Variants in NINL observed in about 807,000 individuals in gnomAD.
NINL encodes ninein-like protein.
A neutral mutation model predicts 160.3 loss-of-function variants in NINL; 153 were observed. The ratio of observed to expected loss-of-function variants is 0.95; its 90% CI spans 0.84 to 1.09. The LOEUF (loss-of-function observed/expected upper bound fraction) is 1.09. Among genes scored for constraint, NINL ranks in the 50% least tolerant of loss-of-function variants. The pLI is 0.00. For synonymous variants in NINL, 800 were observed against 734.8 expected, an observed-to-expected ratio of 1.09 and a Z score of -1.43; for missense variants, 1,829 against 1,764.0, an observed-to-expected ratio of 1.04 and a Z score of -0.66.
chr20:25,487,701 T>G (rs1398435602), intron 13 of NINL, among the ~76,000 whole-genome samples: 1 of 152,272 alleles, frequency 6.6e-6, no homozygotes, highest in East Asian at 1.9e-4. Context: ...GTGAACGACC[T>G]TAGAGATAAA....
intron 1 of NINL, among the ~76,000 whole-genome samples, chr20:25,531,362 C>T (rs890552020): frequency 2.0e-5 from 3 of 152,244 alleles, no homozygotes; most frequent in Non-Finnish European, 1.5e-5. Context: ...CCCTCCTCAG[C>T]TTACGAAAAT....
intron 1 of NINL, among the ~76,000 whole-genome samples, chr20:25,538,796 G>A (rs1345440241): frequency 6.6e-6 from 1 of 151,976 alleles, no homozygotes; most frequent in Non-Finnish European, 1.5e-5. Context: ...ACAGAACTGG[G>A]GAGCACAGGG....
intron 7 of NINL, among the ~76,000 whole-genome samples, chr20:25,502,327 C>T (rs2063885319): frequency 6.6e-6 from 1 of 152,164 alleles, no homozygotes; most frequent in Admixed American, 6.5e-5. Flanking sequence ...GGTGTACCTA[C>T]CCCCAGTGCA....
intron 1 of NINL, among the ~76,000 whole-genome samples, chr20:25,553,358 A>G (rs1157203503): frequency 6.6e-6 from 1 of 152,158 alleles, no homozygotes; most frequent in Middle Eastern, 3.2e-3. Flanking sequence ...TGGCATTTTA[A>G]ACAGAGCCAC....
intron 1 of NINL, among the ~76,000 whole-genome samples, chr20:25,564,805 TA>T (rs11411276): frequency 0.022 from 3,177 of 142,732 alleles, 102 homozygotes; most frequent in African/African-American, 0.066. Flanking sequence ...TCCCCACAAT[TA>T]AAAAAAAAAA....
At chr20:25,579,140 G>C (rs1304171235) in intron 1 of NINL, among the ~76,000 whole-genome samples, 1 of 152,124 alleles carries the variant, frequency 6.6e-6, no homozygotes, top group African/African-American at 2.4e-5. Flanking sequence ...TCCCTCGGAG[G>C]CAGTAAGGGA....
chr20:25,466,816 A>C lies in NINL; in HGVS notation c.3423+573T>G, dbSNP rs148157071. ...ATGTGTCTCAAAAAAAACCCCCAAA[A>C]TTTGGGGAGTGTCCAGGCAGTGTTT... is the stretch of plus-strand genomic sequence containing the variant. On this transcript the variant is annotated intron_variant, in intron 19 of 23. Transcript: ENST00000278886. 2.9e-3 allele frequency among the ~76,000 whole-genome samples: 442 copies of C among 150,712 alleles called. 2 individuals carry two copies. The highest frequency in any genetic ancestry group is 0.01 in the African/African-American group (427 of 40,900).
chr20:25,453,508 T>C lies in NINL; in HGVS notation c.4092A>G (p.Lys1364=), dbSNP rs1461056264. The C allele has an allele frequency of 6.2e-7, 1 of 1,614,054 alleles. No homozygotes were observed. ...AEKQSRLLEE[K]VRALNKLVSR... Reference sequence around the variant, plus strand: ...TGACGAGTTTGTTGAGAGCGCGAACTTTTTCTTCCAAGAGGCGGCTTTGTT... The same window carrying C: ...TGACGAGTTTGTTGAGAGCGCGAACCTTTTCTTCCAAGAGGCGGCTTTGTT... The change falls in exon 24 of 24, where the codon AAA becomes AAG. Residue 1364 remains lysine (K), a synonymous_variant. Transcript: ENST00000278886.
chr20:25,461,685 G>T, intron 20 of NINL, 50 bp from the exon 21 acceptor site: 1 of 1,241,844 alleles, frequency 8.1e-7, no homozygotes, highest in South Asian at 1.3e-5. Flanking sequence ...TGAAGAGTCT[G>T]GTATGTAATT....
At chr20:25,522,245 T>C (rs2064276990) in intron 2 of NINL, among the ~76,000 whole-genome samples, 1 of 152,220 alleles carries the variant, frequency 6.6e-6, no homozygotes, top group African/African-American at 2.4e-5. Context: ...CTCACTGATT[T>C]ATTTGCTCTT....
At chr20:25,524,821 T>C (rs1315581707) in intron 2 of NINL, among the ~76,000 whole-genome samples, 2 of 151,990 alleles carry the variant, frequency 1.3e-5, no homozygotes, top group African/African-American at 4.8e-5. Context: ...GTTACTCTTT[T>C]GGTTTTGAAT....
At position 25,453,275 on chromosome 20, in the gene NINL, C is replaced by T. The variant is rs187172673; in HGVS notation, c.*176G>A. 8.1e-6 allele frequency: 4 copies of T among 495,136 alleles called. No homozygotes were observed. The Admixed American group carries it at 1.6e-4, about 20-fold the overall frequency. 30.7% of individuals were successfully genotyped at this position (495,136 alleles called of 1,614,324 possible). A position where few individuals can be genotyped will look rare whatever the true frequency, so the allele number is the denominator to read the frequency against. On this transcript the variant is annotated 3_prime_UTR_variant, in exon 24 of 24. Transcript: ENST00000278886. Reference sequence around the variant, plus strand: ...TCTGCAACATGCATATTCCCCCAGCCCCCACCTCCATCTTGCCCAGGGCAG... The same window carrying T: ...TCTGCAACATGCATATTCCCCCAGCTCCCACCTCCATCTTGCCCAGGGCAG...
At chr20:25,491,597 T>C (rs970552618) in intron 10 of NINL, 72 bp from the exon 11 acceptor site, 3 of 1,533,946 alleles carry the variant, frequency 2.0e-6, no homozygotes, top group African/African-American at 2.7e-5. Flanking sequence ...ACCCCCTTCC[T>C]AGCCTCCTCC....
chr20:25,471,666 G>A (rs2063097295), intron 17 of NINL, among the ~76,000 whole-genome samples: 1 of 152,216 alleles, frequency 6.6e-6, no homozygotes, highest in South Asian at 2.1e-4. Flanking sequence ...CAAAGCTGGG[G>A]GGACCTTGCA....
At chr20:25,564,071 C>T (rs989073378) in intron 1 of NINL, among the ~76,000 whole-genome samples, 3 of 151,638 alleles carry the variant, frequency 2.0e-5, no homozygotes, top group Non-Finnish European at 2.9e-5. Context: ...AATATTAGCC[C>T]GGCATGGTAG....
intron 1 of NINL, among the ~76,000 whole-genome samples, chr20:25,568,246 C>T (rs1318877986): frequency 6.8e-6 from 1 of 146,352 alleles, no homozygotes; most frequent in African/African-American, 2.5e-5. Flanking sequence ...AAAAAAAAGA[C>T]AAACTGCCAT....
chr20:25,514,391 C>T (rs2064127494), intron 3 of NINL, among the ~76,000 whole-genome samples: 1 of 152,206 alleles, frequency 6.6e-6, no homozygotes, highest in Non-Finnish European at 1.5e-5. Flanking sequence ...CTGCTTCTAA[C>T]AGCATAAGCT....
intron 1 of NINL, among the ~76,000 whole-genome samples, chr20:25,585,179 G>T (rs796566153): frequency 1.3e-5 from 2 of 152,190 alleles, no homozygotes; most frequent in Non-Finnish European, 2.9e-5. Flanking sequence ...CACGGCGCCC[G>T]CGCCGCCGCC....
chr20:25,527,294 C>G (rs2064377804), intron 1 of NINL, among the ~76,000 whole-genome samples: 1 of 151,890 alleles, frequency 6.6e-6, no homozygotes, highest in Admixed American at 6.6e-5. Context: ...GCTGGGACTA[C>G]AGGTGCACGC....
Sources: gnomAD v4.1 joint callset for allele counts (sites outside exome capture counted in the v4.1 genomes callset) on GRCh38, gnomAD v4.1.1 for gene constraint, MANE v1.5 for transcripts, NCBI Gene and HGNC (gene_info 2026-07-23, HGNC 2026-07-21) for gene names.